The following FRMD6 variants were observed in gnomAD, a reference collection of about 807,000 sequenced individuals.
FRMD6 encodes the protein FERM domain containing 6.
A neutral mutation model predicts 73.2 loss-of-function variants in FRMD6; 37 were observed. The ratio of observed to expected loss-of-function variants is 0.51; its 90% CI spans 0.39 to 0.66. FRMD6 has a LOEUF of 0.66. Among genes scored for constraint, FRMD6 ranks in the 30% least tolerant of loss-of-function variants. FRMD6 has a pLI of 0.00. For missense variants in FRMD6, 714 were observed against 780.5 expected (o/e 0.91, Z 1.02); for synonymous variants, 273 against 282.2 (o/e 0.97, Z 0.33).
chr14:51,435,848 G>T, the FRMD6 span, among the ~76,000 whole-genome samples: 16,674 of 152,196 alleles, frequency 0.11, 1,073 homozygotes, highest in Non-Finnish European at 0.14. Context: ...ACCTTGATTT[G>T]ATCATTGTGC....
At chr14:51,487,361 T>C (rs1323795617), upstream of FRMD6, among the ~76,000 whole-genome samples, 2 of 152,262 alleles carry the variant, frequency 1.3e-5, no homozygotes, top group East Asian at 3.8e-4. Flanking sequence ...TTATAGGTAC[T>C]GGAAAAAATG....
At chr14:51,513,713 G>A (rs1443754413) in intron 1 of FRMD6, among the ~76,000 whole-genome samples, 1 of 151,512 alleles carries the variant, frequency 6.6e-6, no homozygotes, top group Non-Finnish European at 1.5e-5. Context: ...AATAAGTTAA[G>A]ACAGCTTAGT....
chr14:51,621,205 C>T (rs891986408), intron 2 of FRMD6, among the ~76,000 whole-genome samples: 8 of 151,706 alleles, frequency 5.3e-5, no homozygotes, highest in Non-Finnish European at 1.2e-4. Flanking sequence ...GAAAATAAGC[C>T]TGGTTGTTTG....
the FRMD6 span, among the ~76,000 whole-genome samples, chr14:51,429,059 G>GAA: frequency 1.0e-5 from 1 of 96,916 alleles, no homozygotes. Context: ...GAAGAGAAGA[G>GAA]GAGAAGAGAA....
At chr14:51,604,925 G>A (rs1890187904) in intron 2 of FRMD6, among the ~76,000 whole-genome samples, 1 of 152,122 alleles carries the variant, frequency 6.6e-6, no homozygotes, top group South Asian at 2.1e-4. Flanking sequence ...ACTGGCACAA[G>A]TGAATATATT....
intron 2 of FRMD6, among the ~76,000 whole-genome samples, chr14:51,592,783 T>C (rs1889470797): frequency 6.6e-6 from 1 of 152,218 alleles, no homozygotes; most frequent in African/African-American, 2.4e-5. Context: ...TGTATGTACA[T>C]ATCAAAGCAA....
At chr14:51,421,782 G>T in the FRMD6 span, among the ~76,000 whole-genome samples, 1 of 152,234 alleles carries the variant, frequency 6.6e-6, no homozygotes, top group Non-Finnish European at 1.5e-5. Context: ...TAAAGCTGCT[G>T]CACAGGAGAC....
intron 1 of FRMD6, among the ~76,000 whole-genome samples, chr14:51,539,218 C>T (rs1886074484): frequency 6.6e-6 from 1 of 152,116 alleles, no homozygotes; most frequent in Non-Finnish European, 1.5e-5. Context: ...GGATGTCACC[C>T]TTCTGAATTC....
intron 1 of FRMD6, among the ~76,000 whole-genome samples, chr14:51,665,949 A>G (rs1192985289): frequency 6.6e-6 from 1 of 152,242 alleles, no homozygotes; most frequent in East Asian, 1.9e-4. Flanking sequence ...CTGTAAGTCC[A>G]ATAAACCTCT....
chr14:51,459,759 G>A, the FRMD6 span, among the ~76,000 whole-genome samples: 5 of 147,940 alleles, frequency 3.4e-5, no homozygotes, highest in African/African-American at 5.0e-5. Flanking sequence ...CCCGGGAGGC[G>A]GAGCTTGCAG....
intron 1 of FRMD6, among the ~76,000 whole-genome samples, chr14:51,559,237 G>A (rs7156740): frequency 0.39 from 59,514 of 152,036 alleles, 11,934 homozygotes; most frequent in East Asian, 0.51. Context: ...ATCTGTAAAT[G>A]TAAATTCAAT....
the FRMD6 span, among the ~76,000 whole-genome samples, chr14:51,454,247 G>A: frequency 2.0e-5 from 3 of 152,192 alleles, no homozygotes; most frequent in Non-Finnish European, 4.4e-5. Context: ...TTACCTTCTG[G>A]CTTTTAAAAT....
intron 1 of FRMD6, among the ~76,000 whole-genome samples, chr14:51,518,556 T>C (rs1486523440): frequency 6.6e-6 from 1 of 152,236 alleles, no homozygotes; most frequent in African/African-American, 2.4e-5. Context: ...TATGACACTA[T>C]TTATAAACTG....
intron 1 of FRMD6, among the ~76,000 whole-genome samples, chr14:51,564,685 G>A (rs1435411953): frequency 1.3e-5 from 2 of 152,176 alleles, no homozygotes; most frequent in East Asian, 3.9e-4. Flanking sequence ...TTTTGGAAAG[G>A]CCTCGGGGCA....
At chr14:51,648,473 T>C (rs575057464), upstream of FRMD6, among the ~76,000 whole-genome samples, 22 of 152,362 alleles carry the variant, frequency 1.4e-4, no homozygotes, top group African/African-American at 4.6e-4. Flanking sequence ...AATTAAATTA[T>C]ATGCCTGAGA....
intron 1 of FRMD6, among the ~76,000 whole-genome samples, chr14:51,661,153 T>C (rs1478333542): frequency 6.6e-6 from 1 of 152,154 alleles, no homozygotes; most frequent in East Asian, 1.9e-4. Context: ...ATCTGGAATT[T>C]AGGGAAGAGG....
At chr14:51,577,561 C>A (rs1386766063) in intron 2 of FRMD6, among the ~76,000 whole-genome samples, 2 of 152,110 alleles carry the variant, frequency 1.3e-5, no homozygotes, top group Admixed American at 1.3e-4. Flanking sequence ...AAATAAACAA[C>A]GTCAATTTGA....
Position 51,523,239 on chromosome 14 carries a change from A to G in FRMD6, c.-210+33819A>G, listed in dbSNP as rs117241579. 1.3e-3 allele frequency among the ~76,000 whole-genome samples: 196 copies of G among 152,338 alleles called. 1 individual carries two copies. Among genetic ancestry groups the G allele is most frequent in the Admixed American group, 3.9e-3 (60 of 15,298 alleles). ...GAATGAAAAATAATGTTTTTCTTTA[A>G]GTCTTAGTGCCTTGGGGAAATAGCT... On this transcript the variant is annotated intron_variant, in intron 1 of 14. Coordinates refer to the FRMD6 transcript ENST00000356218.
the FRMD6 span, among the ~76,000 whole-genome samples, chr14:51,443,761 C>G: frequency 7.9e-5 from 12 of 152,298 alleles, no homozygotes; most frequent in South Asian, 2.5e-3. Context: ...GAAGTAGTCT[C>G]TCCTTTAAAA....
Sources: allele counts gnomAD v4.1 joint callset (sites outside exome capture counted in the v4.1 genomes callset), GRCh38; gene constraint gnomAD v4.1.1; transcripts MANE v1.5; gene names NCBI Gene and HGNC (gene_info 2026-07-23, HGNC 2026-07-21).